The following ZFPM2 variants were observed in gnomAD, a reference collection of about 807,000 sequenced individuals.
ZFPM2 encodes zinc finger protein, FOG family member 2.
In ZFPM2, 20 loss-of-function variants were observed where a neutral mutation model predicts 98.6. The ratio of observed to expected loss-of-function variants is 0.20; its 90% CI spans 0.14 to 0.29. The LOEUF (loss-of-function observed/expected upper bound fraction) is 0.29. ZFPM2 is among the 10% of genes least tolerant of loss of function. ZFPM2 has a pLI of 1.00. For synonymous variants in ZFPM2, 518 were observed against 502.7 expected, an observed-to-expected ratio of 1.03 and a Z score of -0.41; for missense variants, 1,310 against 1,388.6, an observed-to-expected ratio of 0.94 and a Z score of 0.90.
chr8:105,345,278 T>C (rs1459094517), intron 1 of ZFPM2, among the ~76,000 whole-genome samples: 1 of 152,148 alleles, frequency 6.6e-6, no homozygotes, highest in East Asian at 1.9e-4. Flanking sequence ...TTTCAGACAA[T>C]CTGGAGCTTT....
rs563342549 is a variant in ZFPM2 at position 105,597,851 on chromosome 8, C to G, written c.420+36370C>G. ...TCAAATTCCTAATAGTACCGCTGCA[C>G]TATAACTACATTATATAGGACTATT... is the stretch of plus-strand genomic sequence containing the variant. On this transcript the variant is annotated intron_variant, in intron 4 of 7. Coordinates refer to ENST00000407775, the MANE Select transcript of ZFPM2 (RefSeq NM_012082.4). Among the ~76,000 whole-genome samples, 5 of 152,050 alleles carry G rather than the reference C, an allele frequency of 3.3e-5. No homozygotes were observed. The South Asian group carries it at 1.0e-3, about 32-fold the overall frequency.
chr8:105,748,510 T>C (rs1377806197), intron 5 of ZFPM2, among the ~76,000 whole-genome samples: 3 of 152,050 alleles, frequency 2.0e-5, no homozygotes, highest in East Asian at 3.9e-4. Context: ...GTAAGAAGAA[T>C]AGGATGCTGA....
At chr8:105,654,218 A>G (rs1817239882) in intron 5 of ZFPM2, among the ~76,000 whole-genome samples, 1 of 146,692 alleles carries the variant, frequency 6.8e-6, no homozygotes, top group African/African-American at 2.5e-5. Flanking sequence ...AAAGAGAAGG[A>G]AAAAAAAAAA....
At chr8:105,378,778 A>G (rs1810782356) in intron 1 of ZFPM2, among the ~76,000 whole-genome samples, 2 of 152,296 alleles carry the variant, frequency 1.3e-5, no homozygotes, top group South Asian at 4.1e-4. Flanking sequence ...AATGAGATAA[A>G]GAAGAAGAAA....
intron 5 of ZFPM2, among the ~76,000 whole-genome samples, chr8:105,695,378 ATTTT>A (rs1165726984): frequency 0.013 from 983 of 74,810 alleles, 4 homozygotes; most frequent in Middle Eastern, 0.02. Flanking sequence ...AATGGTTTGT[ATTTT>A]TTTTTTTTTT....
At position 105,691,231 on chromosome 8, in the gene ZFPM2, C is replaced by CTTTTTTT. The variant is rs869164122; in HGVS notation, c.532+56896_532+56902dup. ...CTCAAGCGCCCTGTTCCCAAAGAGACTTTTTTTTTTTTTTTTTTTTTTTTT... is the reference window on the plus strand; with the variant it reads ...CTCAAGCGCCCTGTTCCCAAAGAGACTTTTTTTTTTTTTTTTTTTTTTTTTTTTTTTT... On this transcript the variant is annotated intron_variant, in intron 5 of 7. Coordinates refer to ENST00000407775, the MANE Select transcript of ZFPM2 (RefSeq NM_012082.4). 1.1e-3 allele frequency among the ~76,000 whole-genome samples: 77 copies of CTTTTTTT among 67,970 alleles called. 8 individuals are homozygous for CTTTTTTT. Among genetic ancestry groups the CTTTTTTT allele is most frequent in the Non-Finnish European group, 1.4e-3 (54 of 38,022 alleles). 44.6% of individuals were successfully genotyped at this position (67,970 alleles called of 152,430 possible).
chr8:105,349,374 G>T (rs1812600653), intron 1 of ZFPM2, among the ~76,000 whole-genome samples: 1 of 152,120 alleles, frequency 6.6e-6, no homozygotes, highest in Non-Finnish European at 1.5e-5. Flanking sequence ...GTCTGTAATT[G>T]TATACAAACC....
Position 105,525,990 on chromosome 8 carries a change from C to T in ZFPM2, c.302-35373C>T, listed in dbSNP as rs185116662. 5.9e-5 allele frequency among the ~76,000 whole-genome samples: 9 copies of T among 152,204 alleles called. 1 individual carries two copies. Among genetic ancestry groups the T allele is most frequent in the Admixed American group, 5.2e-4 (8 of 15,272 alleles). Reference sequence around the variant, plus strand: ...ATAAGTGTTTGTGAAATGAATGATCCCCACACAGGTGTAAAGTACACCCAT... The same window carrying T: ...ATAAGTGTTTGTGAAATGAATGATCTCCACACAGGTGTAAAGTACACCCAT... On this transcript the variant is annotated intron_variant, in intron 3 of 7. Coordinates refer to ENST00000407775, the MANE Select transcript of ZFPM2 (RefSeq NM_012082.4).
intron 5 of ZFPM2, among the ~76,000 whole-genome samples, chr8:105,735,109 T>C (rs1812036701): frequency 6.8e-6 from 1 of 147,728 alleles, no homozygotes; most frequent in South Asian, 2.1e-4. Context: ...ATTATATATA[T>C]AAATTATATA....
chr8:105,687,384 T>C lies in ZFPM2; in HGVS notation c.532+53027T>C, dbSNP rs1441158472. ...ATACATTTGTAAGAGAATCTTGTCA[T>C]CTCAGGGAAATGTATTAATAAAACC... On this transcript the variant is annotated intron_variant, in intron 5 of 7. Coordinates refer to ENST00000407775, the MANE Select transcript of ZFPM2 (RefSeq NM_012082.4). Among the ~76,000 whole-genome samples, 4 of 152,300 alleles carry C rather than the reference T, an allele frequency of 2.6e-5. No homozygotes were observed. The South Asian group carries it at 6.2e-4, about 24-fold the overall frequency.
chr8:105,346,400 T>A (rs1355119896), intron 1 of ZFPM2, among the ~76,000 whole-genome samples: 60 of 150,160 alleles, frequency 4.0e-4, no homozygotes, highest in South Asian at 8.3e-4. Context: ...AAAAAAAAAA[T>A]AAATAAATAA....
chr8:105,616,548 A>G (rs1238906849), intron 4 of ZFPM2: 1 of 172,044 alleles, frequency 5.8e-6, no homozygotes, highest in African/African-American at 2.4e-5. Context: ...CTTTTGTCTC[A>G]TTTACCCAAA....
At chr8:105,481,580 A>G (rs1364321199) in intron 3 of ZFPM2, among the ~76,000 whole-genome samples, 1 of 152,106 alleles carries the variant, frequency 6.6e-6, no homozygotes, top group African/African-American at 2.4e-5. Flanking sequence ...CTATATTCAA[A>G]TACTGTCATA....
At position 105,484,275 on chromosome 8, in the gene ZFPM2, A is replaced by G. The variant is rs745555769; in HGVS notation, c.301+39894A>G. On this transcript the variant is annotated intron_variant, in intron 3 of 7. Coordinates refer to ENST00000407775, the MANE Select transcript of ZFPM2 (RefSeq NM_012082.4). Reference sequence around the variant, plus strand: ...ATATAAACTATTCATTCTGCTCTCCATGTATCTTAATAAATTTTTTTTAAC... The same window carrying G: ...ATATAAACTATTCATTCTGCTCTCCGTGTATCTTAATAAATTTTTTTTAAC... 1.3e-5 allele frequency among the ~76,000 whole-genome samples: 2 copies of G among 151,466 alleles called. 1 individual carries two copies. The highest frequency in any genetic ancestry group is 1.3e-4 in the Admixed American group (2 of 15,266).
At chr8:105,586,209 T>A (rs1815711343) in intron 4 of ZFPM2, among the ~76,000 whole-genome samples, 1 of 152,178 alleles carries the variant, frequency 6.6e-6, no homozygotes, top group Admixed American at 6.5e-5. Flanking sequence ...AGGCACTAAA[T>A]CCTCAGCCTA....
intron 1 of ZFPM2, among the ~76,000 whole-genome samples, chr8:105,394,134 T>C (rs1388313139): frequency 2.0e-5 from 3 of 151,944 alleles, no homozygotes; most frequent in Non-Finnish European, 4.4e-5. Flanking sequence ...ACCTAGTGAT[T>C]CGCCCGCCTC....
intron 1 of ZFPM2, among the ~76,000 whole-genome samples, chr8:105,389,903 C>T (rs1460784345): frequency 6.6e-6 from 1 of 152,160 alleles, no homozygotes; most frequent in East Asian, 1.9e-4. Flanking sequence ...CTTTAGGGTG[C>T]AGATTTGTCA....
chr8:105,465,055 T>C (rs906468799), intron 3 of ZFPM2, among the ~76,000 whole-genome samples: 5 of 152,016 alleles, frequency 3.3e-5, no homozygotes, highest in Non-Finnish European at 7.4e-5. Flanking sequence ...TGATTTTTAT[T>C]ATTCTTGATT....
chr8:105,485,016 A>G (rs1813201564), intron 3 of ZFPM2, among the ~76,000 whole-genome samples: 1 of 152,202 alleles, frequency 6.6e-6, no homozygotes, highest in Non-Finnish European at 1.5e-5. Context: ...TCTTTCAGGA[A>G]GAACATGTGT....
Sources: gnomAD v4.1 joint callset for allele counts (sites outside exome capture counted in the v4.1 genomes callset) on GRCh38, gnomAD v4.1.1 for gene constraint, MANE v1.5 for transcripts, NCBI Gene and HGNC (gene_info 2026-07-23, HGNC 2026-07-21) for gene names.